The following WNK2 variants were observed in gnomAD, a reference collection of about 807,000 sequenced individuals.
WNK2 encodes the protein WNK lysine deficient protein kinase 2.
Under a neutral mutation model 192.1 loss-of-function variants are expected in WNK2, and 67 were observed. The observed-to-expected ratio is 0.35, with a 90% CI of 0.29 to 0.43. The LOEUF (loss-of-function observed/expected upper bound fraction) is 0.43, where lower values mean the gene tolerates loss of function less well. WNK2 is among the 20% of genes least tolerant of loss of function. The pLI is 1.00. For missense variants in WNK2, 2,698 were observed against 3,089.7 expected (o/e 0.87, Z 3.01); for synonymous variants, 1,439 against 1,393.9 (o/e 1.03, Z -0.72).
At chr9:93,265,258 G>A (rs1844972441) in intron 16 of WNK2, among the ~76,000 whole-genome samples, 2 of 152,240 alleles carry the variant, frequency 1.3e-5, no homozygotes, top group Admixed American at 1.3e-4. Context: ...GGAGCAGTGT[G>A]GTGATGGGTG....
intron 19 of WNK2, 134 bp from the exon 20 acceptor site, chr9:93,288,654 C>T (rs960827889): frequency 1.1e-5 from 10 of 911,566 alleles, no homozygotes; most frequent in Non-Finnish European, 1.6e-5. Flanking sequence ...AGGAGCCTGG[C>T]GTGTCGGGAA....
intron 5 of WNK2, 121 bp from the exon 6 acceptor site, chr9:93,238,112 G>T: frequency 3.8e-6 from 3 of 789,678 alleles, no homozygotes; most frequent in Non-Finnish European, 6.4e-6. Flanking sequence ...AGTAGTTTGT[G>T]CAGGTTAAGT....
At chr9:93,187,904 C>T (rs1318598813) in intron 2 of WNK2, among the ~76,000 whole-genome samples, 1 of 151,782 alleles carries the variant, frequency 6.6e-6, no homozygotes, top group Non-Finnish European at 1.5e-5. Flanking sequence ...GGAGTGTGCT[C>T]CTGGGTGGGA....
chr9:93,202,567 G>A (rs1832640634), intron 2 of WNK2, among the ~76,000 whole-genome samples: 1 of 151,614 alleles, frequency 6.6e-6, no homozygotes, highest in African/African-American at 2.4e-5. Context: ...GGAGGGGTGG[G>A]TATTTGCACG....
At chr9:93,186,721 G>A (rs978370829) in intron 2 of WNK2, among the ~76,000 whole-genome samples, 1 of 152,240 alleles carries the variant, frequency 6.6e-6, no homozygotes, top group East Asian at 1.9e-4. Flanking sequence ...CTGCGTGTGT[G>A]TGCAAGCCTG....
intron 23 of WNK2, among the ~76,000 whole-genome samples, chr9:93,295,579 G>A (rs796454509): frequency 1.4e-4 from 21 of 152,090 alleles, no homozygotes; most frequent in African/African-American, 5.1e-4. Flanking sequence ...GGCACTTGGG[G>A]TGAAGGCAAG....
chr9:93,193,049 T>C (rs1311973277), intron 2 of WNK2, among the ~76,000 whole-genome samples: 2 of 152,210 alleles, frequency 1.3e-5, no homozygotes, highest in Non-Finnish European at 2.9e-5. Flanking sequence ...CAGCAGGGGT[T>C]TGGGCCGTGT....
At chr9:93,281,320 A>T (rs1847701401) in intron 19 of WNK2, among the ~76,000 whole-genome samples, 2 of 152,182 alleles carry the variant, frequency 1.3e-5, no homozygotes, top group Admixed American at 1.3e-4. Flanking sequence ...CTACTGCATT[A>T]AAAGAAACAA....
chr9:93,298,214 C>A, intron 24 of WNK2, 147 bp downstream of exon 24: 2 of 948,062 alleles, frequency 2.1e-6, no homozygotes, highest in Non-Finnish European at 3.1e-6. Context: ...TTCCCTGGAG[C>A]AGGGGAGTCA....
chr9:93,252,731 G>A (rs1225800048), intron 8 of WNK2, among the ~76,000 whole-genome samples, 152 bp from the exon 9 acceptor site: 1 of 152,240 alleles, frequency 6.6e-6, no homozygotes, highest in East Asian at 1.9e-4. Context: ...TGGTTCTGTA[G>A]CAGCCAATTG....
intron 29 of WNK2, chr9:93,318,823 C>G (rs1855169097): frequency 7.1e-7 from 1 of 1,405,846 alleles, no homozygotes; most frequent in African/African-American, 1.4e-5. Flanking sequence ...ACAACACAGC[C>G]CTTGGTGGGA....
intron 28 of WNK2, among the ~76,000 whole-genome samples, chr9:93,311,449 C>A (rs186480247): frequency 1.4e-4 from 21 of 152,252 alleles, no homozygotes; most frequent in Admixed American, 1.2e-3. Flanking sequence ...TGGGTATAAA[C>A]CCAGAAGTGG....
At position 93,185,062 on chromosome 9, in the gene WNK2, A is replaced by T. The variant is rs755723935; in HGVS notation, c.133A>T (p.Ser45Cys). Reference protein sequence around the residue: ...RPGPQRFLRRSVVESDQEEPP... With the variant: ...RPGPQRFLRRCVVESDQEEPP... ...GGGGCCCCAGCGCTTTCTGCGGCGC[A>T]GCGTGGTAGAGTCGGACCAGGAGGA... The change falls in exon 2 of 30, where the codon AGC becomes TGC. Residue 45 changes from serine (S) to cysteine (C), a missense_variant. By Grantham distance (112) the Ser-to-Cys change is moderately radical. Around this residue, in one of 7 missense-constraint regions of WNK2, gnomAD observed 260 missense variants for 285.6 expected, o/e 0.91. Transcript: ENST00000427277. 5 of 1,304,244 alleles carry T rather than the reference A, an allele frequency of 3.8e-6. No individual in the cohort carries two copies. In the South Asian group the frequency reaches 1.0e-4, roughly 27 times the overall value. 80.8% of individuals were successfully genotyped at this position (1,304,244 alleles called of 1,614,324 possible). A position where few individuals can be genotyped will look rare whatever the true frequency, so the allele number is the denominator to read the frequency against.
intron 12 of WNK2, 68 bp from the exon 13 acceptor site, chr9:93,261,746 C>T (rs1844294145): frequency 6.6e-7 from 1 of 1,525,238 alleles, no homozygotes; most frequent in African/African-American, 1.4e-5. Context: ...CCCAGACACA[C>T]CTGGGCACGG....
intron 27 of WNK2, 41 bp from the exon 28 acceptor site, chr9:93,308,287 T>C (rs1342806322): frequency 6.5e-7 from 1 of 1,535,190 alleles, no homozygotes; most frequent in Admixed American, 2.0e-5. Context: ...CCTGGGTGCG[T>C]GTGTGGCGTC....
At chr9:93,268,236 G>A (rs117380802) in intron 18 of WNK2, among the ~76,000 whole-genome samples, 171 bp downstream of exon 18, 1,671 of 152,284 alleles carry the variant, frequency 0.011, 28 homozygotes, top group South Asian at 0.082. Context: ...ACCTGCAACC[G>A]GCATCACGGC....
At chr9:93,295,626 C>T (rs1462878295) in intron 23 of WNK2, among the ~76,000 whole-genome samples, 1 of 151,880 alleles carries the variant, frequency 6.6e-6, no homozygotes, top group Non-Finnish European at 1.5e-5. Context: ...CTGGGGTGGC[C>T]TTAGGCCTTG....
Position 93,239,170 on chromosome 9 carries a change from C to A in WNK2, c.1323-587C>A, listed in dbSNP as rs1840319462. 6.6e-6 allele frequency among the ~76,000 whole-genome samples: 1 copy of A among 152,232 alleles called. No homozygotes were observed. ...CACCCTGTGGCCCGCCCTCCCGGATCCCTGCAAAGAGCCTTCGAGGCTGGG... is the reference window on the plus strand; with the variant it reads ...CACCCTGTGGCCCGCCCTCCCGGATACCTGCAAAGAGCCTTCGAGGCTGGG... On this transcript the variant is annotated intron_variant, in intron 6 of 29. Coordinates refer to ENST00000427277, the MANE Select transcript of WNK2 (RefSeq NM_006648.4). This position sits in a 1 kb window ranked among gnomAD's most constrained non-coding sequence, Gnocchi z 4.2.
At chr9:93,256,835 C>T (rs935129059) in intron 10 of WNK2, 113 bp from the exon 11 acceptor site, 11 of 951,106 alleles carry the variant, frequency 1.2e-5, no homozygotes, top group East Asian at 5.3e-5. Context: ...TGAATGTGAG[C>T]ATGTGCGTGT....
Sources: gnomAD v4.1 joint callset for allele counts (sites outside exome capture counted in the v4.1 genomes callset) on GRCh38, gnomAD v4.1.1 for gene constraint, gnomAD v4.1.1 regional missense constraint, Gnocchi (gnomAD v3.1) non-coding constraint, MANE v1.5 for transcripts, NCBI Gene and HGNC (gene_info 2026-07-23, HGNC 2026-07-21) for gene names.